COL4A5: variants seen among roughly 807,000 people sequenced by gnomAD.
COL4A5 encodes collagen alpha-5(IV) chain.
COL4A5 carries 26 observed loss-of-function variants against 130.2 expected under a neutral mutation model. The ratio of observed to expected loss-of-function variants is 0.20; its 90% CI spans 0.15 to 0.28. COL4A5 has a LOEUF of 0.28. Among genes scored for constraint, COL4A5 ranks in the 10% least tolerant of loss-of-function variants. The probability of loss-of-function intolerance (pLI) is 1.00; values close to 1 mark genes in which losing one functional copy is unlikely to be tolerated. For missense variants in COL4A5, 1,131 were observed against 1,344.3 expected (o/e 0.84, Z 2.48); for synonymous variants, 496 against 439.6 (o/e 1.13, Z -1.60).
chrX:108,473,951 G>C (rs1469711355), intron 1 of COL4A5, among the ~76,000 whole-genome samples: 1 of 110,069 alleles, frequency 9.1e-6, no homozygotes, highest in Non-Finnish European at 1.9e-5. Flanking sequence ...TTTTTGTACA[G>C]CTGTACAATA....
At chrX:108,642,806 T>C (rs1353345402) in intron 36 of COL4A5, among the ~76,000 whole-genome samples, 3 of 92,806 alleles carry the variant, frequency 3.2e-5, no homozygotes, top group Non-Finnish European at 6.2e-5. Context: ...AAACCAACTC[T>C]GGTAATATGA....
intron 1 of COL4A5, among the ~76,000 whole-genome samples, chrX:108,487,130 G>A (rs905902541): frequency 9.0e-6 from 1 of 110,947 alleles, no homozygotes; most frequent in Admixed American, 9.6e-5. Flanking sequence ...GGTGGCTCAC[G>A]CCTGTAATCC....
In COL4A5 at chrX:108,669,165, G is replaced by A. The variant is rs143359375; in HGVS notation, c.3790+661G>A. ...CACCTTTTCATTTTGTATCTGTGCT[G>A]TGTCATTTCATTTTACTAATTTTGG... On this transcript the variant is annotated intron_variant, in intron 41 of 52. Coordinates refer to ENST00000328300, the MANE Select transcript of COL4A5 (RefSeq NM_033380.3). Among the ~76,000 whole-genome samples the A allele has an allele frequency of 4.8e-3, 536 of 111,706 alleles. 3 individuals carry two copies. Among genetic ancestry groups the A allele is most frequent in the African/African-American group, 0.016 (502 of 30,811 alleles).
chrX:108,600,965 G>A (rs970423133), intron 25 of COL4A5, among the ~76,000 whole-genome samples: 5 of 111,460 alleles, frequency 4.5e-5, no homozygotes, highest in African/African-American at 9.8e-5. Flanking sequence ...CCTTTTTGTT[G>A]TATCCGGTCC....
chrX:108,478,645 A>G lies in COL4A5; in HGVS notation c.81+38439A>G, dbSNP rs559755954. On this transcript the variant is annotated intron_variant, in intron 1 of 52. Transcript: ENST00000328300. ...GGATGATGGGGAACATGGAAAGACC[A>G]GTGAATTCCATGACCATGAGCCCAC... Among the ~76,000 whole-genome samples, 4 of 112,036 alleles carry G rather than the reference A, an allele frequency of 3.6e-5. No individual in the cohort carries two copies. In the South Asian group the frequency reaches 1.1e-3, roughly 32 times the overall value.
intron 22 of COL4A5, among the ~76,000 whole-genome samples, chrX:108,596,093 A>T (rs1004723566): frequency 9.0e-6 from 1 of 111,662 alleles, no homozygotes; most frequent in African/African-American, 3.3e-5. Flanking sequence ...ACTATATGTG[A>T]TATCTGTCAG....
chrX:108,544,535 A>T (rs1468055862), intron 2 of COL4A5, among the ~76,000 whole-genome samples: 1 of 111,019 alleles, frequency 9.0e-6, no homozygotes, highest in African/African-American at 3.3e-5. Context: ...GAATTTTTGC[A>T]TCGATGTTCA....
chrX:108,621,263 T>G (rs1160315500), intron 31 of COL4A5, among the ~76,000 whole-genome samples: 1 of 107,842 alleles, frequency 9.3e-6, no homozygotes, highest in Non-Finnish European at 1.9e-5. Context: ...CAAGCCATCT[T>G]CCTGCCTCAG....
At chrX:108,447,649 G>A (rs1186896308) in intron 1 of COL4A5, among the ~76,000 whole-genome samples, 1 of 111,430 alleles carries the variant, frequency 9.0e-6, no homozygotes, top group Admixed American at 9.6e-5. Flanking sequence ...GTGCCTGTGA[G>A]ACAGACTTAA....
At chrX:108,604,927 C>G (rs778164868) in intron 28 of COL4A5, among the ~76,000 whole-genome samples, 156 of 112,069 alleles carry the variant, frequency 1.4e-3, no homozygotes, top group Non-Finnish European at 2.3e-3. Flanking sequence ...TCTTCTGCAG[C>G]TTCTTCACCT....
chrX:108,514,252 TATGAATAATG>T (rs1172737230), intron 1 of COL4A5, among the ~76,000 whole-genome samples: 1 of 112,529 alleles, frequency 8.9e-6, no homozygotes, highest in Non-Finnish European at 1.9e-5. Context: ...ATCTTTATAA[TATGAATAATG>T]ATTCACTTGG....
intron 1 of COL4A5, among the ~76,000 whole-genome samples, chrX:108,447,303 C>T (rs1264922880): frequency 9.0e-6 from 1 of 111,505 alleles, no homozygotes; most frequent in Non-Finnish European, 1.9e-5. Context: ...ATCACAGCCT[C>T]AATTCCCTCT....
intron 46 of COL4A5, 108 bp from the exon 47 acceptor site, chrX:108,681,652 A>G (rs762636570): frequency 3.1e-5 from 31 of 992,032 alleles, no homozygotes; most frequent in Middle Eastern, 6.7e-4. Context: ...CAGCAATTCA[A>G]AAACTGGTTT....
chrX:108,531,827 G>T, intron 1 of COL4A5, among the ~76,000 whole-genome samples: 1 of 111,606 alleles, frequency 9.0e-6, no homozygotes, highest in Non-Finnish European at 1.9e-5. Flanking sequence ...TGACACACTG[G>T]AAATCCTAGA....
chrX:108,572,556 C>G (rs1344886636), intron 8 of COL4A5, among the ~76,000 whole-genome samples: 3 of 111,626 alleles, frequency 2.7e-5, no homozygotes, highest in African/African-American at 9.7e-5. Context: ...AATTCCATCA[C>G]TAAACACTAA....
intron 36 of COL4A5, among the ~76,000 whole-genome samples, chrX:108,647,434 A>G (rs1193894154): frequency 1.8e-5 from 2 of 111,548 alleles, no homozygotes; most frequent in African/African-American, 6.5e-5. Flanking sequence ...TCGATTTTGT[A>G]TCCTGAGACT....
chrX:108,581,259 C>T lies in COL4A5; in HGVS notation c.936+232C>T, dbSNP rs1200276687. ...ATGAGGTACATGAGATGTTTTGATA[C>T]ATGTATGTAATGTGAAATAAGGACA... On this transcript the variant is annotated intron_variant, in intron 16 of 52. Transcript: ENST00000328300. Among the ~76,000 whole-genome samples, 3 of 111,642 alleles carry T rather than the reference C, an allele frequency of 2.7e-5. No homozygotes were observed. In the East Asian group the frequency reaches 8.4e-4, roughly 31 times the overall value.
chrX:108,557,067 G>T (rs2065833254), intron 2 of COL4A5, among the ~76,000 whole-genome samples: 1 of 111,528 alleles, frequency 9.0e-6, no homozygotes, highest in African/African-American at 3.3e-5. Flanking sequence ...CGAGATAGCA[G>T]TTTTGCTTCT....
At chrX:108,640,190 T>C (rs764102768) in intron 36 of COL4A5, among the ~76,000 whole-genome samples, 1 of 112,112 alleles carries the variant, frequency 8.9e-6, no homozygotes, top group Non-Finnish European at 1.9e-5. Context: ...GCACACACAA[T>C]AGATATTTTT....
Sources: gnomAD v4.1 joint callset for allele counts (sites outside exome capture counted in the v4.1 genomes callset) on GRCh38, gnomAD v4.1.1 for gene constraint, MANE v1.5 for transcripts, NCBI Gene and HGNC (gene_info 2026-07-23, HGNC 2026-07-21) for gene names.